Variants in CNTN2 observed in about 807,000 individuals in gnomAD.
CNTN2 encodes contactin-2.
A neutral mutation model predicts 117.5 loss-of-function variants in CNTN2; 53 were observed. The ratio of observed to expected loss-of-function variants is 0.45; its 90% CI spans 0.36 to 0.57. CNTN2 has a LOEUF of 0.57. Among genes scored for constraint, CNTN2 ranks in the 20% least tolerant of loss-of-function variants. CNTN2 has a pLI of 0.00. For missense variants in CNTN2, 1,106 were observed against 1,404.3 expected (o/e 0.79, Z 3.39); for synonymous variants, 530 against 561.7 (o/e 0.94, Z 0.80).
chr1:205,075,629 A>G lies in CNTN2; in HGVS notation c.*1864A>G, dbSNP rs16855040. The G allele has an allele frequency of 0.1, 15,261 of 152,294 alleles. 1,403 individuals carry two copies. The highest frequency in any genetic ancestry group is 0.24 in the African/African-American group (9,734 of 41,314). The allele number at this position is 152,294 out of a possible 1,614,324, so 9.4% of individuals were successfully genotyped here. Reference sequence around the variant, plus strand: ...TTTATGTTGATGTTTACCCACTACAATTTTTTAAAAATATAAGCTCACATG... The same window carrying G: ...TTTATGTTGATGTTTACCCACTACAGTTTTTTAAAAATATAAGCTCACATG... On this transcript the variant is annotated 3_prime_UTR_variant, in exon 23 of 23. Transcript: ENST00000331830.
chr1:205,045,355 G>C (rs2096439750), intron 1 of CNTN2, among the ~76,000 whole-genome samples: 1 of 152,118 alleles, frequency 6.6e-6, no homozygotes, highest in African/African-American at 2.4e-5. Context: ...CACCTTCTCT[G>C]CCAGCAGTTG....
At position 205,043,347 on chromosome 1, in the gene CNTN2, C is replaced by A. The variant is rs992268133; in HGVS notation, c.-134C>A. 7.2e-5 allele frequency: 11 copies of A among 152,558 alleles called. No homozygotes were observed. The highest frequency in any genetic ancestry group is 1.5e-4 in the Non-Finnish European group (10 of 68,204). 9.5% of individuals were successfully genotyped at this position (152,558 alleles called of 1,614,324 possible). ...GGCCCGGCCGGCCCCGGCTCACCGA[C>A]TCGGGCAGCATCCACCTGCCCCAGC... On this transcript the variant is annotated 5_prime_UTR_variant, in exon 1 of 23. Transcript: ENST00000331830.
At position 205,061,654 on chromosome 1, in the gene CNTN2, T is replaced by C; in HGVS notation, c.974-211T>C. The C allele has an allele frequency of 1.3e-6, 1 of 794,194 alleles. No homozygotes were observed. The highest frequency in any genetic ancestry group is 1.9e-6 in the Non-Finnish European group (1 of 521,388). 49.2% of individuals were successfully genotyped at this position (794,194 alleles called of 1,614,324 possible). A position where few individuals can be genotyped will look rare whatever the true frequency, so the allele number is the denominator to read the frequency against. On this transcript the variant is annotated intron_variant, in intron 8 of 22. Transcript: ENST00000331830. The surrounding 1 kb of genome is among the most constrained non-coding windows in gnomAD (Gnocchi z 4.8). The stretch of plus-strand genomic sequence containing the variant: ...ACAGGAGGCTCCAGAATGATTTAAG[T>C]TGCAAAAGCAGCCACTGGCACAGCC...
intron 1 of CNTN2, among the ~76,000 whole-genome samples, chr1:205,047,765 G>C (rs903181653): frequency 7.9e-5 from 12 of 152,274 alleles, no homozygotes; most frequent in African/African-American, 2.9e-4. Context: ...AGTGGCTGCG[G>C]ACACACGGCT....
intron 9 of CNTN2, chr1:205,062,232 C>A: frequency 1.2e-6 from 1 of 822,768 alleles, no homozygotes; most frequent in Non-Finnish European, 1.8e-6. Flanking sequence ...GTGGTCCTGA[C>A]TGGGTCACCT....
rs191357187 is a variant in CNTN2, at chr1:205,064,642, G to A, written c.1411G>A (p.Gly471Ser). 31 of 1,614,146 alleles carry A rather than the reference G, an allele frequency of 1.9e-5. No homozygotes were observed. The Admixed American group carries it at 4.0e-4, about 21-fold the overall frequency. ...CCACAGAGTGACTGTAACTCCAGAT[G>A]GCACCTTGATCATAAGAAACATCAG... is the stretch of plus-strand genomic sequence containing the variant. ...NSSRVTVTPD[G>S]TLIIRNISRS... Residue 471 changes from glycine to serine, a missense_variant, in exon 12 of 23, where the codon GGC becomes AGC. Physicochemically the swap from Gly to Ser is moderately conservative, Grantham distance 56. Transcript: ENST00000331830.
chr1:205,064,351 G>A lies in CNTN2; in HGVS notation c.1270G>A (p.Val424Met), dbSNP rs548252200. ...CGCCCCTGACTTCAGGCTGAATCCC[G>A]TGAGGCGTCTGATCCCCGCGGCCCG... is the stretch of plus-strand genomic sequence containing the variant. ...ALAPDFRLNP[V>M]RRLIPAARGG... The change falls in exon 11 of 23, where the codon GTG becomes ATG. Residue 424 changes from valine (V) to methionine (M), a missense_variant. Coordinates refer to ENST00000331830, the MANE Select transcript of CNTN2 (RefSeq NM_005076.5). 6.3e-6 allele frequency: 10 copies of A among 1,597,576 alleles called. No individual in the cohort carries two copies. The highest frequency in any genetic ancestry group is 4.5e-5 in the East Asian group (2 of 44,418).
intron 1 of CNTN2, among the ~76,000 whole-genome samples, chr1:205,045,225 ACTC>A (rs1051719555): frequency 1.3e-5 from 2 of 149,672 alleles, no homozygotes; most frequent in Non-Finnish European, 3.0e-5. Context: ...CCCTTCCTCT[ACTC>A]CTTCTTTCCT....
At position 205,059,659 on chromosome 1, in the gene CNTN2, C is replaced by T; in HGVS notation, c.774C>T (p.Thr258=). Residue 258 remains threonine (T), a synonymous_variant, in exon 7 of 23, where the codon ACC becomes ACT. Transcript: ENST00000331830. The surrounding 1 kb of genome is among the most constrained non-coding windows in gnomAD (Gnocchi z 5.6). The part of the protein sequence containing the change: ...ETYALVGQQV[T]LECFAFGNPV... ...ATGCACTGGTGGGGCAGCAGGTCAC[C>T]CTGGAGTGCTTCGCCTTTGGGAAGT... 1.2e-6 allele frequency: 2 copies of T among 1,614,026 alleles called. No individual in the cohort carries two copies. Among genetic ancestry groups the T allele is most frequent in the Non-Finnish European group, 8.5e-7 (1 of 1,180,004 alleles).
At chr1:205,067,346 C>A in intron 16 of CNTN2, 96 bp downstream of exon 16, 2 of 1,448,662 alleles carry the variant, frequency 1.4e-6, no homozygotes, top group Non-Finnish European at 1.9e-6. Flanking sequence ...ATGCTGAGTT[C>A]CAACCCTGCT....
rs1182350600 is a variant in CNTN2 at position 205,072,384 on chromosome 1, G to A, written c.2732-99G>A. On this transcript the variant is annotated intron_variant, in intron 20 of 22. Coordinates refer to ENST00000331830, the MANE Select transcript of CNTN2 (RefSeq NM_005076.5). ...ATGACAGAATGTGCTGGGTGTAACTGCTAGAGGCAAACATCCAGAGAAGGG... is the reference window on the plus strand; with the variant it reads ...ATGACAGAATGTGCTGGGTGTAACTACTAGAGGCAAACATCCAGAGAAGGG... 78 of 1,062,250 alleles carry A rather than the reference G, an allele frequency of 7.3e-5. No individual in the cohort carries two copies. The South Asian group carries it at 1.0e-3, about 14-fold the overall frequency. 65.8% of individuals were successfully genotyped at this position (1,062,250 alleles called of 1,614,324 possible).
In CNTN2 at chr1:205,074,724, G is replaced by C. The variant is rs1654775814; in HGVS notation, c.*959G>C. The C allele has an allele frequency of 1.8e-5, 7 of 399,054 alleles. No individual in the cohort carries two copies. In the South Asian group the frequency reaches 8.9e-4, roughly 51 times the overall value. 24.7% of individuals were successfully genotyped at this position (399,054 alleles called of 1,614,324 possible). A position where few individuals can be genotyped will look rare whatever the true frequency, so the allele number is the denominator to read the frequency against. ...GTCAGCTCGGCCTCCCCGACCTGCAGCCCCAGACTCTGCTCTCCCAGCACT... is the reference window on the plus strand; with the variant it reads ...GTCAGCTCGGCCTCCCCGACCTGCACCCCCAGACTCTGCTCTCCCAGCACT... On this transcript the variant is annotated 3_prime_UTR_variant, in exon 23 of 23. Coordinates refer to ENST00000331830, the MANE Select transcript of CNTN2 (RefSeq NM_005076.5).
In CNTN2 at chr1:205,068,833, C is replaced by T. The variant is rs185704196; in HGVS notation, c.2126-658C>T. ...AAATCTCCAGCTGCTGGATTCTCTA[C>T]GGAAATATTTTGACCCCCAGCCAAG... is the stretch of plus-strand genomic sequence containing the variant. On this transcript the variant is annotated intron_variant, in intron 16 of 22. Transcript: ENST00000331830. 696 of 152,380 alleles carry T rather than the reference C, an allele frequency of 4.6e-3. 5 individuals are homozygous for T. Among genetic ancestry groups the T allele is most frequent in the Middle Eastern group, 6.8e-3 (2 of 294 alleles). The allele number at this position is 152,380 out of a possible 1,614,324, so 9.4% of individuals were successfully genotyped here. A position where few individuals can be genotyped will look rare whatever the true frequency, so the allele number is the denominator to read the frequency against.
At position 205,076,677 on chromosome 1, in the gene CNTN2, T is replaced by G. The variant is rs1004353250; in HGVS notation, c.*2912T>G. 6.6e-6 allele frequency: 1 copy of G among 152,166 alleles called. No homozygotes were observed. Among genetic ancestry groups the G allele is most frequent in the African/African-American group, 2.4e-5 (1 of 41,436 alleles). 9.4% of individuals were successfully genotyped at this position (152,166 alleles called of 1,614,324 possible). Reference sequence around the variant, plus strand: ...CCAGGGCCTAGGGAGACAAGTGTCCTCTCTTCTGCATACATTTGGGCTCCC... The same window carrying G: ...CCAGGGCCTAGGGAGACAAGTGTCCGCTCTTCTGCATACATTTGGGCTCCC... On this transcript the variant is annotated 3_prime_UTR_variant, in exon 23 of 23. Transcript: ENST00000331830.
At chr1:205,043,631 G>A (rs929997155) in intron 1 of CNTN2, among the ~76,000 whole-genome samples, 3 of 152,170 alleles carry the variant, frequency 2.0e-5, no homozygotes, top group Admixed American at 6.5e-5. Flanking sequence ...CTCTCAGGCC[G>A]AGCCTGGCCG....
chr1:205,065,079 C>G lies in CNTN2; in HGVS notation c.1520-8C>G, dbSNP rs1279930671. 6.2e-7 allele frequency: 1 copy of G among 1,613,592 alleles called. No individual in the cohort carries two copies. The highest frequency in any genetic ancestry group is 8.5e-7 in the Non-Finnish European group (1 of 1,179,806). ...CCATCCACCCAAGGGCCTTGTTTTTCTTGGCAGATGCAACCAAAATCACTC... is the reference window on the plus strand; with the variant it reads ...CCATCCACCCAAGGGCCTTGTTTTTGTTGGCAGATGCAACCAAAATCACTC... On this transcript the variant is annotated splice_polypyrimidine_tract_variant and splice_region_variant and intron_variant, in intron 12 of 22. Coordinates refer to ENST00000331830, the MANE Select transcript of CNTN2 (RefSeq NM_005076.5). This position sits in a 1 kb window ranked among gnomAD's most constrained non-coding sequence, Gnocchi z 4.1.
chr1:205,065,371 C>A lies in CNTN2; in HGVS notation c.1695+109C>A. 1 of 1,180,336 alleles carries A rather than the reference C, an allele frequency of 8.5e-7. No individual in the cohort carries two copies. The highest frequency in any genetic ancestry group is 1.5e-5 in the South Asian group (1 of 68,822). The allele number at this position is 1,180,336 out of a possible 1,614,324, so 73.1% of individuals were successfully genotyped here. A position where few individuals can be genotyped will look rare whatever the true frequency, so the allele number is the denominator to read the frequency against. On this transcript the variant is annotated intron_variant, in intron 13 of 22. Transcript: ENST00000331830. The surrounding 1 kb of genome is among the most constrained non-coding windows in gnomAD (Gnocchi z 4.1). ...TTTAAGAAACCCATAGCCTAAGCGC[C>A]CCCATTCCCTCAGGCCCACACATGG...
chr1:205,073,980 C>T lies in CNTN2; in HGVS notation c.*215C>T, dbSNP rs1654735093. ...GGATTTTCTTTAAATTGAGAGGCAC[C>T]AGGCAGTAACTTCCATGATGACACT... is the stretch of plus-strand genomic sequence containing the variant. On this transcript the variant is annotated 3_prime_UTR_variant, in exon 23 of 23. Coordinates refer to ENST00000331830, the MANE Select transcript of CNTN2 (RefSeq NM_005076.5). The surrounding 1 kb of genome is among the most constrained non-coding windows in gnomAD (Gnocchi z 6.3). 1.7e-6 allele frequency: 1 copy of T among 601,410 alleles called. No individual in the cohort carries two copies. The highest frequency in any genetic ancestry group is 3.0e-6 in the Non-Finnish European group (1 of 337,694). The allele number at this position is 601,410 out of a possible 1,614,324, so 37.3% of individuals were successfully genotyped here.
Position 205,065,985 on chromosome 1 carries a change from A to T in CNTN2, c.1816+76A>T. On this transcript the variant is annotated intron_variant, in intron 14 of 22. Transcript: ENST00000331830. This position sits in a 1 kb window ranked among gnomAD's most constrained non-coding sequence, Gnocchi z 4.1. ...TGGGCTGTTCTGACCTGCTCGCCTC[A>T]TCTCCCCTCCCTTCCCTCAAAGCTG... 6.7e-7 allele frequency: 1 copy of T among 1,503,584 alleles called. No individual in the cohort carries two copies. Among genetic ancestry groups the T allele is most frequent in the Non-Finnish European group, 8.9e-7 (1 of 1,120,510 alleles). The allele number at this position is 1,503,584 out of a possible 1,614,324, so 93.1% of individuals were successfully genotyped here. A position where few individuals can be genotyped will look rare whatever the true frequency, so the allele number is the denominator to read the frequency against.
Sources: allele counts gnomAD v4.1 joint callset (sites outside exome capture counted in the v4.1 genomes callset), GRCh38; gene constraint gnomAD v4.1.1; non-coding constraint Gnocchi (gnomAD v3.1); transcripts MANE v1.5; gene names NCBI Gene and HGNC (gene_info 2026-07-23, HGNC 2026-07-21).